Variants in RIMS1 observed in about 807,000 individuals in gnomAD.
The protein encoded by RIMS1 is regulating synaptic membrane exocytosis 1.
A neutral mutation model predicts 214.1 loss-of-function variants in RIMS1; 83 were observed. The ratio of observed to expected loss-of-function variants is 0.39; its 90% CI spans 0.32 to 0.47. RIMS1 has a LOEUF of 0.47. Among genes scored for constraint, RIMS1 ranks in the 20% least tolerant of loss-of-function variants. The probability of loss-of-function intolerance (pLI) is 0.99; values close to 1 mark genes in which losing one functional copy is unlikely to be tolerated. For missense variants in RIMS1, 2,050 were observed against 2,161.8 expected (o/e 0.95, Z 1.03); for synonymous variants, 793 against 786.8 (o/e 1.01, Z -0.13).
intron 31 of RIMS1, among the ~76,000 whole-genome samples, chr6:72,393,407 A>G (rs991202160): frequency 2.6e-5 from 4 of 152,186 alleles, no homozygotes; most frequent in African/African-American, 9.7e-5. Flanking sequence ...AAGAGGAAAA[A>G]TAATTTTACA....
intron 27 of RIMS1, among the ~76,000 whole-genome samples, chr6:72,308,331 T>C (rs963546806): frequency 6.6e-6 from 1 of 152,164 alleles, no homozygotes; most frequent in South Asian, 2.1e-4. Context: ...ATATATTATC[T>C]GGTTTATTTA....
chr6:72,394,098 G>C (rs1193562771), intron 31 of RIMS1, among the ~76,000 whole-genome samples: 2 of 151,228 alleles, frequency 1.3e-5, no homozygotes, highest in Non-Finnish European at 2.9e-5. Context: ...GGGATACCCA[G>C]GATGATAGCA....
chr6:72,395,121 A>G (rs992643182), intron 31 of RIMS1, among the ~76,000 whole-genome samples: 1 of 152,004 alleles, frequency 6.6e-6, no homozygotes, highest in Admixed American at 6.6e-5. Flanking sequence ...ATATAAATTT[A>G]AAAAAATCTT....
intron 31 of RIMS1, among the ~76,000 whole-genome samples, chr6:72,394,493 A>G (rs188727172): frequency 1.2e-4 from 18 of 152,124 alleles, no homozygotes; most frequent in Non-Finnish European, 2.5e-4. Context: ...ATCAAAATTG[A>G]AGTCAATAAT....
chr6:72,363,942 C>A (rs1445519856), intron 29 of RIMS1, among the ~76,000 whole-genome samples: 1 of 152,212 alleles, frequency 6.6e-6, no homozygotes, highest in Non-Finnish European at 1.5e-5. Context: ...TCCCACACAG[C>A]TTCCCGTTCC....
chr6:72,258,755 A>G (rs2076864293), intron 17 of RIMS1, among the ~76,000 whole-genome samples: 1 of 152,190 alleles, frequency 6.6e-6, no homozygotes, highest in African/African-American at 2.4e-5. Context: ...AATTATGCCG[A>G]TAAAAATTGA....
rs1181373980 is a variant in RIMS1, at chr6:72,402,304, A to G, written c.*1590A>G. 3 of 152,638 alleles carry G rather than the reference A, an allele frequency of 2.0e-5. No homozygotes were observed. The highest frequency in any genetic ancestry group is 7.2e-5 in the African/African-American group (3 of 41,438). 9.5% of individuals were successfully genotyped at this position (152,638 alleles called of 1,614,324 possible). On this transcript the variant is annotated 3_prime_UTR_variant, in exon 34 of 34. Transcript: ENST00000521978. ...AATAACCAAGAAATCTAAGCCATCC[A>G]CTTTTGTTATAGACATTTTGCAGGT...
At chr6:72,057,498 C>CTTTT (rs56115719) in intron 2 of RIMS1, among the ~76,000 whole-genome samples, 18 of 126,216 alleles carry the variant, frequency 1.4e-4, no homozygotes, top group Non-Finnish European at 1.6e-4. Context: ...CCTTCTTTTT[C>CTTTT]TTTTTTTTTT....
intron 1 of RIMS1, among the ~76,000 whole-genome samples, chr6:71,892,685 A>G (rs1004747491): frequency 6.6e-6 from 1 of 152,162 alleles, no homozygotes; most frequent in African/African-American, 2.4e-5. Flanking sequence ...AATTTTATTT[A>G]TTAAATAGGC....
chr6:72,271,343 TTAAAA>T (rs1443435841), intron 22 of RIMS1, among the ~76,000 whole-genome samples: 13 of 146,316 alleles, frequency 8.9e-5, no homozygotes. Context: ...GAAATTTAGT[TTAAAA>T]TAATAGGGAA....
intron 4 of RIMS1, among the ~76,000 whole-genome samples, chr6:72,122,207 C>CTTTTTTTTTT (rs34948011): frequency 7.3e-6 from 1 of 136,332 alleles, no homozygotes. Flanking sequence ...TTCCTTTTTT[C>CTTTTTTTTTT]TTTTTTTTTT....
At chr6:72,228,105 C>A (rs1486794475) in intron 6 of RIMS1, among the ~76,000 whole-genome samples, 1 of 151,900 alleles carries the variant, frequency 6.6e-6, no homozygotes, top group African/African-American at 2.4e-5. Flanking sequence ...ATAAACATAT[C>A]CGTCACCTCC....
chr6:72,165,481 C>T (rs1371179039), intron 4 of RIMS1, among the ~76,000 whole-genome samples: 2 of 151,720 alleles, frequency 1.3e-5, no homozygotes, highest in African/African-American at 2.4e-5. Flanking sequence ...ATGTTTCCCT[C>T]TCTCTCTCTG....
chr6:72,196,580 C>CATTTTTTTTTTTTTTTT (rs2050976810), intron 6 of RIMS1, among the ~76,000 whole-genome samples: 1 of 57,212 alleles, frequency 1.7e-5, no homozygotes, highest in Non-Finnish European at 3.1e-5. Flanking sequence ...GCCAGCTGCA[C>CATTTTTTTTTTTTTTTT]TTTTTTTTTT....
chr6:72,215,204 TATC>T (rs752988742), intron 6 of RIMS1, among the ~76,000 whole-genome samples: 14 of 152,288 alleles, frequency 9.2e-5, no homozygotes, highest in Non-Finnish European at 1.9e-4. Flanking sequence ...TTAATGACCA[TATC>T]ATAATGGAAG....
intron 6 of RIMS1, among the ~76,000 whole-genome samples, chr6:72,217,491 T>G (rs1394618634): frequency 6.6e-6 from 1 of 152,184 alleles, no homozygotes; most frequent in Non-Finnish European, 1.5e-5. Flanking sequence ...TAGTATTACA[T>G]TTAAGTCTTA....
At chr6:72,020,885 A>G (rs1814435622) in intron 2 of RIMS1, among the ~76,000 whole-genome samples, 1 of 152,138 alleles carries the variant, frequency 6.6e-6, no homozygotes, top group Non-Finnish European at 1.5e-5. Flanking sequence ...CTTTTCTGAA[A>G]CTAAACCCTG....
At chr6:72,168,977 G>C (rs2046660542) in intron 4 of RIMS1, among the ~76,000 whole-genome samples, 1 of 152,060 alleles carries the variant, frequency 6.6e-6, no homozygotes. Context: ...ACTAAAACAA[G>C]AAGTACTGGA....
In RIMS1 at chr6:72,096,943, G is replaced by A. The variant is rs758063988; in HGVS notation, c.246-6G>A. 60 of 1,610,232 alleles carry A rather than the reference G, an allele frequency of 3.7e-5. No homozygotes were observed. In the South Asian group the frequency reaches 6.6e-4, roughly 18 times the overall value. The stretch of plus-strand genomic sequence containing the variant: ...TTAGTTTGCTACCATTTTCTCTTTT[G>A]CCTAGGAGATTGCATCAACAGTTTG... On this transcript the variant is annotated splice_polypyrimidine_tract_variant and splice_region_variant and intron_variant, in intron 2 of 33. Coordinates refer to ENST00000521978, the MANE Select transcript of RIMS1 (RefSeq NM_014989.7).
Sources: allele counts gnomAD v4.1 joint callset (sites outside exome capture counted in the v4.1 genomes callset), GRCh38; gene constraint gnomAD v4.1.1; transcripts MANE v1.5; gene names NCBI Gene and HGNC (gene_info 2026-07-23, HGNC 2026-07-21).